Variants in LDLRAD4 observed in about 807,000 individuals in gnomAD.
The protein encoded by LDLRAD4 is low-density lipoprotein receptor class A domain-containing protein 4.
In LDLRAD4, 5 loss-of-function variants were observed where a neutral mutation model predicts 17.0. That is an observed-to-expected ratio of 0.29 (90% CI 0.15 to 0.62). The LOEUF (loss-of-function observed/expected upper bound fraction) is 0.62. Ranked by LOEUF, LDLRAD4 falls within the 20% of genes least tolerant of loss-of-function variation. The pLI is 0.84. For synonymous variants in LDLRAD4, 168 were observed against 171.8 expected, an observed-to-expected ratio of 0.98 and a Z score of 0.17; for missense variants, 340 against 424.7, an observed-to-expected ratio of 0.80 and a Z score of 1.75.
chr18:13,370,729 G>GTTTGTTTTTTTTTA (rs71174168), intron 1 of LDLRAD4, among the ~76,000 whole-genome samples: 2 of 100,856 alleles, frequency 2.0e-5, no homozygotes, highest in African/African-American at 1.1e-4. Context: ...TTTTTTTTTT[G>GTTTGTTTTTTTTTA]AGATGGATTC....
intron 4 of LDLRAD4, among the ~76,000 whole-genome samples, chr18:13,631,556 T>C (rs934064823): frequency 6.6e-6 from 1 of 152,144 alleles, no homozygotes; most frequent in Non-Finnish European, 1.5e-5. Flanking sequence ...AAGATAACCA[T>C]AGACTAATAT....
chr18:13,326,562 T>C (rs1473677711), intron 1 of LDLRAD4, among the ~76,000 whole-genome samples: 2 of 152,118 alleles, frequency 1.3e-5, no homozygotes, highest in Non-Finnish European at 2.9e-5. Context: ...GAAGTTACAA[T>C]GAGATGTTCT....
At chr18:13,312,036 C>T (rs915751859) in intron 1 of LDLRAD4, among the ~76,000 whole-genome samples, 4 of 151,936 alleles carry the variant, frequency 2.6e-5, no homozygotes, top group African/African-American at 7.3e-5. Flanking sequence ...GGGGTTTCAC[C>T]GTGTTAGCCA....
intron 1 of LDLRAD4, among the ~76,000 whole-genome samples, chr18:13,371,177 G>A (rs948367966): frequency 6.6e-6 from 1 of 152,190 alleles, no homozygotes; most frequent in African/African-American, 2.4e-5. Context: ...TCTGGCACAG[G>A]TGGCTGTGGG....
In LDLRAD4 at chr18:13,621,226, C is replaced by T; in HGVS notation, c.291C>T (p.Ile97=). ...ACAAAGTCTCCACGCGGTCCTTCAT[C>T]AACCGCCCGAACCAGAGCCGGAGGC... Residue 97 remains isoleucine (I), a synonymous_variant, in exon 4 of 6, where the codon ATC becomes ATT. Coordinates refer to ENST00000359446, the Ensembl canonical transcript of LDLRAD4. This position sits in a 1 kb window ranked among gnomAD's most constrained non-coding sequence, Gnocchi z 5.5. The T allele has an allele frequency of 6.2e-7, 1 of 1,613,962 alleles. No homozygotes were observed. The highest frequency in any genetic ancestry group is 8.5e-7 in the Non-Finnish European group (1 of 1,180,030).
At chr18:13,453,943 G>A (rs2091981534) in intron 3 of LDLRAD4, among the ~76,000 whole-genome samples, 4 of 152,284 alleles carry the variant, frequency 2.6e-5, no homozygotes, top group Admixed American at 2.6e-4. Flanking sequence ...CAGGCTGCGG[G>A]AGCTAATGGG....
intron 3 of LDLRAD4, among the ~76,000 whole-genome samples, chr18:13,507,608 T>G (rs1336684010): frequency 1.3e-5 from 2 of 152,212 alleles, no homozygotes; most frequent in African/African-American, 2.4e-5. Context: ...AATTGTGAAT[T>G]GTGCTGCTAT....
At chr18:13,578,827 CTTT>C (rs1003295658) in intron 3 of LDLRAD4, among the ~76,000 whole-genome samples, 315 of 65,644 alleles carry the variant, frequency 4.8e-3, no homozygotes, top group African/African-American at 0.016. Flanking sequence ...TTGTCCGGGT[CTTT>C]TTTTTTTTTT....
chr18:13,596,589 C>G (rs1753619259), intron 3 of LDLRAD4, among the ~76,000 whole-genome samples: 1 of 152,058 alleles, frequency 6.6e-6, no homozygotes, highest in Non-Finnish European at 1.5e-5. Context: ...TTTTTTTATG[C>G]TCTCCTTGTT....
intron 1 of LDLRAD4, among the ~76,000 whole-genome samples, chr18:13,370,566 G>A (rs1599731470): frequency 6.6e-6 from 1 of 152,286 alleles, no homozygotes; most frequent in East Asian, 1.9e-4. Context: ...GTTTAATAAG[G>A]AGATGGCACC....
At chr18:13,364,155 T>C (rs1329798902) in intron 1 of LDLRAD4, among the ~76,000 whole-genome samples, 2 of 152,188 alleles carry the variant, frequency 1.3e-5, no homozygotes, top group Non-Finnish European at 2.9e-5. Flanking sequence ...GCAAAAGATA[T>C]ATATGCAGAA....
At chr18:13,431,954 A>G (rs1457885348) in intron 2 of LDLRAD4, among the ~76,000 whole-genome samples, 1 of 152,228 alleles carries the variant, frequency 6.6e-6, no homozygotes, top group African/African-American at 2.4e-5. Flanking sequence ...TCAGAGCGTC[A>G]CCAGTGAGGC....
In LDLRAD4 at chr18:13,337,936, A is replaced by T. The variant is rs147004490; in HGVS notation, c.-382-49405A>T. Among the ~76,000 whole-genome samples the T allele has an allele frequency of 5.2e-3, 796 of 152,290 alleles. 3 individuals carry two copies. The highest frequency in any genetic ancestry group is 0.015 in the South Asian group (71 of 4,828). On this transcript the variant is annotated intron_variant, in intron 1 of 5. Transcript: ENST00000359446. Reference sequence around the variant, plus strand: ...TGGAGATACAGTCACAGTGGAAAGCAGTTATGGAGTCAAAGCAACTTTAGT... The same window carrying T: ...TGGAGATACAGTCACAGTGGAAAGCTGTTATGGAGTCAAAGCAACTTTAGT...
intron 2 of LDLRAD4, among the ~76,000 whole-genome samples, chr18:13,418,260 C>T (rs1305083666): frequency 6.6e-6 from 1 of 152,260 alleles, no homozygotes; most frequent in Admixed American, 6.5e-5. Flanking sequence ...CAGGGCTCTA[C>T]ACTGCCACCC....
At chr18:13,314,925 C>T (rs776503122) in intron 1 of LDLRAD4, among the ~76,000 whole-genome samples, 3 of 152,156 alleles carry the variant, frequency 2.0e-5, no homozygotes, top group East Asian at 1.9e-4. Context: ...GAGATGTTCT[C>T]GTACGTTGCC....
intron 1 of LDLRAD4, among the ~76,000 whole-genome samples, chr18:13,289,062 C>T (rs1011011753): frequency 6.6e-6 from 1 of 152,204 alleles, no homozygotes; most frequent in African/African-American, 2.4e-5. Context: ...AGTCAGGCCT[C>T]ATAAGGAGCT....
chr18:13,630,425 C>T (rs2041564221), intron 4 of LDLRAD4, among the ~76,000 whole-genome samples: 1 of 152,108 alleles, frequency 6.6e-6, no homozygotes, highest in African/African-American at 2.4e-5. Flanking sequence ...AGGGAGAAAA[C>T]AGGGAAAATT....
rs749146285 is a variant in LDLRAD4, at chr18:13,645,196, C to G, written c.460C>G (p.Arg154Gly). Residue 154 changes from arginine to glycine, a missense_variant, in exon 6 of 6, where the codon CGC becomes GGC. By Grantham distance (125) the Arg-to-Gly change is moderately radical. Coordinates refer to ENST00000359446, the Ensembl canonical transcript of LDLRAD4. The surrounding 1 kb of genome is among the most constrained non-coding windows in gnomAD (Gnocchi z 5.7). ...CTTCATCCAGAGGGATCGCTTCAGC[C>G]GCTTCCAGCCCACCTACCCCTATGT... The G allele has an allele frequency of 2.5e-6, 4 of 1,614,026 alleles. No individual in the cohort carries two copies. The highest frequency in any genetic ancestry group is 3.3e-5 in the Admixed American group (2 of 60,006).
intron 3 of LDLRAD4, among the ~76,000 whole-genome samples, chr18:13,595,983 A>G (rs556148178): frequency 1.4e-4 from 22 of 152,240 alleles, no homozygotes; most frequent in African/African-American, 5.1e-4. Flanking sequence ...GTATCCAGCT[A>G]TTATTCTTAA....
Sources: gnomAD v4.1 joint callset for allele counts (sites outside exome capture counted in the v4.1 genomes callset) on GRCh38, gnomAD v4.1.1 for gene constraint, Gnocchi (gnomAD v3.1) non-coding constraint, MANE v1.5 for transcripts, NCBI Gene and HGNC (gene_info 2026-07-23, HGNC 2026-07-21) for gene names.